Variants in CNTN3 observed in about 807,000 individuals in gnomAD.
CNTN3 encodes the protein contactin 3.
A neutral mutation model predicts 119.1 loss-of-function variants in CNTN3; 60 were observed. The observed-to-expected ratio is 0.50, with a 90% confidence interval of 0.41 to 0.62. The LOEUF (loss-of-function observed/expected upper bound fraction) is 0.62. CNTN3 is among the 20% of genes least tolerant of loss of function. The pLI is 0.00. For synonymous variants in CNTN3, 450 were observed against 438.7 expected (o/e 1.03, Z -0.32); for missense variants, 1,101 against 1,242.4 (o/e 0.89, Z 1.71).
chr3:74,575,528 G>A (rs941843347), intron 1 of CNTN3, among the ~76,000 whole-genome samples: 3 of 151,538 alleles, frequency 2.0e-5, no homozygotes, highest in African/African-American at 7.3e-5. Flanking sequence ...GGGATTACAG[G>A]TGTGAGCCAC....
intron 2 of CNTN3, among the ~76,000 whole-genome samples, chr3:74,514,414 A>T (rs1343106513): frequency 6.6e-6 from 1 of 152,082 alleles, no homozygotes; most frequent in Non-Finnish European, 1.5e-5. Flanking sequence ...TGTAGCCATT[A>T]TTAGTTGGTC....
chr3:74,562,646 A>G (rs1704169699), intron 1 of CNTN3, among the ~76,000 whole-genome samples: 1 of 152,112 alleles, frequency 6.6e-6, no homozygotes. Flanking sequence ...CTGCCTGCAC[A>G]GTTTCTCCTC....
chr3:74,478,304 A>T (rs1702696436), intron 4 of CNTN3, among the ~76,000 whole-genome samples: 1 of 152,044 alleles, frequency 6.6e-6, no homozygotes, highest in East Asian at 1.9e-4. Flanking sequence ...TAAGAATTTG[A>T]AGCTGTGGTT....
intron 4 of CNTN3, among the ~76,000 whole-genome samples, chr3:74,434,614 A>C (rs903401196): frequency 6.6e-6 from 1 of 152,168 alleles, no homozygotes; most frequent in Non-Finnish European, 1.5e-5. Context: ...GATTCTCTCT[A>C]GCTATTTGAA....
intron 1 of CNTN3, among the ~76,000 whole-genome samples, chr3:74,532,318 A>G (rs1216046364): frequency 1.3e-5 from 2 of 151,966 alleles, no homozygotes; most frequent in Non-Finnish European, 2.9e-5. Flanking sequence ...TCCTGAGCAT[A>G]CAGTAGACCC....
chr3:74,372,358 T>C (rs1005119962), intron 5 of CNTN3, among the ~76,000 whole-genome samples: 1 of 152,094 alleles, frequency 6.6e-6, no homozygotes, highest in Non-Finnish European at 1.5e-5. Flanking sequence ...ATGGCCAAGG[T>C]GAATCAGTTT....
intron 12 of CNTN3, 28 bp downstream of exon 12, chr3:74,336,503 T>A (rs1325543431): frequency 6.2e-7 from 1 of 1,608,490 alleles, no homozygotes; most frequent in Middle Eastern, 1.7e-4. Flanking sequence ...AATCCGTATG[T>A]AAAGCAATAT....
intron 4 of CNTN3, among the ~76,000 whole-genome samples, chr3:74,428,411 G>A (rs1701731501): frequency 6.6e-6 from 1 of 152,042 alleles, no homozygotes; most frequent in African/African-American, 2.4e-5. Flanking sequence ...ATGTGGAGGT[G>A]GAAGACAGTG....
chr3:74,287,111 G>A (rs377699451), intron 19 of CNTN3, among the ~76,000 whole-genome samples: 1 of 152,096 alleles, frequency 6.6e-6, no homozygotes, highest in Non-Finnish European at 1.5e-5. Flanking sequence ...GCAGAGATTC[G>A]CCAGGCTTCG....
chr3:74,533,411 C>T (rs1236675524), intron 1 of CNTN3, among the ~76,000 whole-genome samples: 1 of 151,976 alleles, frequency 6.6e-6, no homozygotes, highest in African/African-American at 2.4e-5. Context: ...TCACTTCACT[C>T]CCCAAGATAT....
At chr3:74,586,049 C>G (rs1024383926) in intron 1 of CNTN3, among the ~76,000 whole-genome samples, 2 of 152,086 alleles carry the variant, frequency 1.3e-5, no homozygotes, top group Admixed American at 6.6e-5. Flanking sequence ...GACTTCATTC[C>G]TCAAAGATTT....
chr3:74,594,273 CTT>C (rs59436860), intron 1 of CNTN3, among the ~76,000 whole-genome samples: 91 of 112,056 alleles, frequency 8.1e-4, no homozygotes, highest in African/African-American at 2.0e-3. Context: ...TTCTTTTTTT[CTT>C]TTTTTTTTTT....
At chr3:74,465,225 T>G (rs1227734416) in intron 4 of CNTN3, among the ~76,000 whole-genome samples, 1 of 152,188 alleles carries the variant, frequency 6.6e-6, no homozygotes, top group Admixed American at 6.5e-5. Flanking sequence ...AAAATTATTT[T>G]TCACCAGACT....
chr3:74,276,501 C>G (rs965763697), intron 20 of CNTN3, among the ~76,000 whole-genome samples: 2 of 152,042 alleles, frequency 1.3e-5, no homozygotes, highest in East Asian at 1.9e-4. Context: ...TAAAACCATG[C>G]AAATACATGA....
At chr3:74,273,776 T>A (rs1342182181) in intron 20 of CNTN3, among the ~76,000 whole-genome samples, 1 of 152,108 alleles carries the variant, frequency 6.6e-6, no homozygotes, top group Non-Finnish European at 1.5e-5. Flanking sequence ...CAGCTGAACT[T>A]TGTAACTATT....
chr3:74,605,910 A>G (rs1172207118), intron 1 of CNTN3, among the ~76,000 whole-genome samples: 1 of 152,154 alleles, frequency 6.6e-6, no homozygotes, highest in Admixed American at 6.6e-5. Context: ...CAAGGAAGGT[A>G]TTGTGGCCAC....
At chr3:74,451,328 G>A (rs1335209684) in intron 4 of CNTN3, among the ~76,000 whole-genome samples, 1 of 152,116 alleles carries the variant, frequency 6.6e-6, no homozygotes, top group Non-Finnish European at 1.5e-5. Flanking sequence ...AGAAGTGTCT[G>A]TTCATGTCCA....
intron 13 of CNTN3, among the ~76,000 whole-genome samples, chr3:74,319,449 A>G (rs12492895): frequency 0.011 from 1,647 of 152,266 alleles, 14 homozygotes; most frequent in Middle Eastern, 0.02. Context: ...GTGCTGGGAA[A>G]ACTGGCTAGC....
chr3:74,281,835 A>C (rs1297467399), intron 20 of CNTN3, among the ~76,000 whole-genome samples: 2 of 152,158 alleles, frequency 1.3e-5, no homozygotes, highest in Non-Finnish European at 2.9e-5. Context: ...GAGAACCAAT[A>C]ATTCAGTTTT....
Sources: allele counts gnomAD v4.1 joint callset (sites outside exome capture counted in the v4.1 genomes callset), GRCh38; gene constraint gnomAD v4.1.1; transcripts MANE v1.5; gene names NCBI Gene and HGNC (gene_info 2026-07-23, HGNC 2026-07-21).